HPCA: variants seen among roughly 807,000 people sequenced by gnomAD.
HPCA encodes the protein hippocalcin, also known as neuron-specific calcium-binding protein hippocalcin.
A neutral mutation model predicts 18.2 loss-of-function variants in HPCA; 4 were observed. The ratio of observed to expected loss-of-function variants is 0.22; its 90% CI spans 0.11 to 0.50. The LOEUF is 0.50. Among genes scored for constraint, HPCA ranks in the 20% least tolerant of loss-of-function variants. The pLI is 0.97. For missense variants in HPCA, 161 were observed against 265.8 expected, an observed-to-expected ratio of 0.61 and a Z score of 2.74; for synonymous variants, 93 against 103.5, an observed-to-expected ratio of 0.90 and a Z score of 0.61.
At position 32,889,243 on chromosome 1, in the gene HPCA, C is replaced by T. The variant is rs1311783198; in HGVS notation, c.345C>T (p.Tyr115=). Residue 115 remains tyrosine (Y), a synonymous_variant, in exon 2 of 4, where the codon TAC becomes TAT. Coordinates refer to ENST00000373467, the MANE Select transcript of HPCA (RefSeq NM_002143.3). This position sits in a 1 kb window ranked among gnomAD's most constrained non-coding sequence, Gnocchi z 4.6. ...FSMYDLDGNG[Y]ISREEMLEIV... ...TGTATGACCTGGACGGCAACGGCTACATCAGCCGGGAGGAGATGCTGGAGA... is the reference window on the plus strand; with the variant it reads ...TGTATGACCTGGACGGCAACGGCTATATCAGCCGGGAGGAGATGCTGGAGA... The T allele has an allele frequency of 1.2e-6, 2 of 1,613,964 alleles. No individual in the cohort carries two copies. The highest frequency in any genetic ancestry group is 3.3e-5 in the Admixed American group (2 of 60,028).
Position 32,892,089 on chromosome 1 carries a change from A to T in HPCA, c.379-1435A>T, listed in dbSNP as rs144508868. 4.9e-3 allele frequency among the ~76,000 whole-genome samples: 740 copies of T among 152,284 alleles called. 8 individuals are homozygous for T. The highest frequency in any genetic ancestry group is 0.017 in the African/African-American group (696 of 41,554). On this transcript the variant is annotated intron_variant, in intron 2 of 3. Coordinates refer to ENST00000373467, the MANE Select transcript of HPCA (RefSeq NM_002143.3). ...AAGTGGTACTTAGTATCGTTATTCC[A>T]GGCAAAGACTGTAAATGCTGGAGAA...
In HPCA at chr1:32,889,330, C is replaced by T; in HGVS notation, c.378+54C>T. On this transcript the variant is annotated intron_variant, in intron 2 of 3. Transcript: ENST00000373467. This position sits in a 1 kb window ranked among gnomAD's most constrained non-coding sequence, Gnocchi z 4.6. ...GGCACAGGGCCCGGCAGCTTGCACC[C>T]ACCACCCCTTTTGATCCTCTCAGCA... 1 of 1,548,326 alleles carries T rather than the reference C, an allele frequency of 6.5e-7. No homozygotes were observed. Among genetic ancestry groups the T allele is most frequent in the Non-Finnish European group, 8.7e-7 (1 of 1,145,578 alleles).
Position 32,893,687 on chromosome 1 carries a change from C to A in HPCA, c.484+58C>A. On this transcript the variant is annotated intron_variant, in intron 3 of 3. Transcript: ENST00000373467. The surrounding 1 kb of genome is among the most constrained non-coding windows in gnomAD (Gnocchi z 7.5). ...GCGGGCGCCTTTCCCTCCCTCCCTC[C>A]CTGCCTCCCTTTCCCGCTCCGCCTC... The A allele has an allele frequency of 6.8e-7, 1 of 1,475,224 alleles. No homozygotes were observed. Among genetic ancestry groups the A allele is most frequent in the South Asian group, 1.2e-5 (1 of 86,200 alleles). 91.4% of individuals were successfully genotyped at this position (1,475,224 alleles called of 1,614,324 possible).
rs1165311105 is a variant in HPCA at position 32,889,938 on chromosome 1, G to A, written c.378+662G>A. Among the ~76,000 whole-genome samples, 2 of 152,186 alleles carry A rather than the reference G, an allele frequency of 1.3e-5. No individual in the cohort carries two copies. Among genetic ancestry groups the A allele is most frequent in the Non-Finnish European group, 2.9e-5 (2 of 68,030 alleles). On this transcript the variant is annotated intron_variant, in intron 2 of 3. Coordinates refer to ENST00000373467, the MANE Select transcript of HPCA (RefSeq NM_002143.3). This position sits in a 1 kb window ranked among gnomAD's most constrained non-coding sequence, Gnocchi z 4.6. ...GAAACGGATGCTCAGAGAGATAAAG[G>A]CACTTGCTTGAGGCCACACAGCCTG...
rs943983617 is a variant in HPCA, at chr1:32,889,842, A to G, written c.378+566A>G. On this transcript the variant is annotated intron_variant, in intron 2 of 3. Coordinates refer to ENST00000373467, the MANE Select transcript of HPCA (RefSeq NM_002143.3). The surrounding 1 kb of genome is among the most constrained non-coding windows in gnomAD (Gnocchi z 4.6). Reference sequence around the variant, plus strand: ...TGGAATAGCTCCTCATCCTTTCTTTATCTTTTATGAATTGACATTTCTGCA... The same window carrying G: ...TGGAATAGCTCCTCATCCTTTCTTTGTCTTTTATGAATTGACATTTCTGCA... Among the ~76,000 whole-genome samples the G allele has an allele frequency of 1.3e-5, 2 of 151,994 alleles. No individual in the cohort carries two copies. Among genetic ancestry groups the G allele is most frequent in the Non-Finnish European group, 2.9e-5 (2 of 68,018 alleles).
Position 32,889,338 on chromosome 1 carries a change from C to T in HPCA, c.378+62C>T, listed in dbSNP as rs1390951068. The T allele has an allele frequency of 1.7e-5, 26 of 1,526,838 alleles. 1 individual carries two copies. In the Admixed American group the frequency reaches 5.3e-4, roughly 31 times the overall value. 94.6% of individuals were successfully genotyped at this position (1,526,838 alleles called of 1,614,324 possible). On this transcript the variant is annotated intron_variant, in intron 2 of 3. Transcript: ENST00000373467. The surrounding 1 kb of genome is among the most constrained non-coding windows in gnomAD (Gnocchi z 4.6). The stretch of plus-strand genomic sequence containing the variant: ...GCCCGGCAGCTTGCACCCACCACCC[C>T]TTTTGATCCTCTCAGCAGACCTCGT...
chr1:32,892,125 CA>C (rs1239448217), intron 2 of HPCA, among the ~76,000 whole-genome samples: 4 of 152,108 alleles, frequency 2.6e-5, no homozygotes, highest in African/African-American at 9.7e-5. Flanking sequence ...TCTGAAGGGC[CA>C]GGGGTGTTTG....
chr1:32,894,135 C>T lies in HPCA; in HGVS notation c.*273C>T, dbSNP rs1641525291. On this transcript the variant is annotated 3_prime_UTR_variant, in exon 4 of 4. Coordinates refer to ENST00000373467, the MANE Select transcript of HPCA (RefSeq NM_002143.3). ...AGGCCCCCTTACCCACCCACCAGCC[C>T]CAAGGCCCGACCCCTCCCCCAAAGG... is the stretch of plus-strand genomic sequence containing the variant. 3 of 458,030 alleles carry T rather than the reference C, an allele frequency of 6.5e-6. No individual in the cohort carries two copies. The highest frequency in any genetic ancestry group is 2.0e-5 in the African/African-American group (1 of 50,940). The allele number at this position is 458,030 out of a possible 1,614,324, so 28.4% of individuals were successfully genotyped here. A position where few individuals can be genotyped will look rare whatever the true frequency, so the allele number is the denominator to read the frequency against.
chr1:32,889,171 G>A lies in HPCA; in HGVS notation c.273G>A (p.Val91=). Residue 91 remains valine (V), a synonymous_variant, in exon 2 of 4, where the codon GTG becomes GTA. Transcript: ENST00000373467. This position sits in a 1 kb window ranked among gnomAD's most constrained non-coding sequence, Gnocchi z 4.6. ...GGGAGTTCATCATTGCGCTGAGCGT[G>A]ACCTCGCGCGGCCGCCTGGAGCAGA... is the stretch of plus-strand genomic sequence containing the variant. The part of the protein sequence containing the change: ...DFREFIIALS[V]TSRGRLEQKL... 1 of 1,614,262 alleles carries A rather than the reference G, an allele frequency of 6.2e-7. No individual in the cohort carries two copies. Among genetic ancestry groups the A allele is most frequent in the South Asian group, 1.1e-5 (1 of 91,086 alleles).
intron 1 of HPCA, among the ~76,000 whole-genome samples, chr1:32,887,440 G>A (rs775547328): frequency 2.0e-5 from 3 of 152,116 alleles, no homozygotes; most frequent in Non-Finnish European, 4.4e-5. Context: ...AAGTGGGTGG[G>A]GGTCACCTGC....
intron 2 of HPCA, among the ~76,000 whole-genome samples, chr1:32,891,100 C>T (rs1356728081): frequency 2.0e-5 from 3 of 152,244 alleles, no homozygotes; most frequent in Admixed American, 2.0e-4. Flanking sequence ...GGAGCCACCA[C>T]GCCCGGGTGT....
At chr1:32,891,918 G>A (rs918380165) in intron 2 of HPCA, among the ~76,000 whole-genome samples, 10 of 152,174 alleles carry the variant, frequency 6.6e-5, no homozygotes, top group Non-Finnish European at 1.5e-4. Context: ...GAGGGAACAG[G>A]TACAAATCGA....
intron 2 of HPCA, among the ~76,000 whole-genome samples, chr1:32,891,003 A>G (rs927457187): frequency 6.6e-6 from 1 of 152,262 alleles, no homozygotes; most frequent in Non-Finnish European, 1.5e-5. Flanking sequence ...CATGGACAGC[A>G]GCTGGGTACT....
Position 32,893,856 on chromosome 1 carries a change from G to C in HPCA, c.576G>C (p.Gln192His). ...LLQCDPSSAS[Q>H]F ...AGTGCGACCCCAGCAGCGCCTCCCA[G>C]TTCTGAGAGGAGCCAGGTTCCCCTT... is the stretch of plus-strand genomic sequence containing the variant. Residue 192 changes from glutamine (Q) to histidine (H), a missense_variant, in exon 4 of 4, where the codon CAG (glutamine) becomes CAC (histidine). By Grantham distance (24) the Gln-to-His change is conservative. Coordinates refer to ENST00000373467, the MANE Select transcript of HPCA (RefSeq NM_002143.3). The surrounding 1 kb of genome is among the most constrained non-coding windows in gnomAD (Gnocchi z 7.5). 6.4e-7 allele frequency: 1 copy of C among 1,565,690 alleles called. No individual in the cohort carries two copies. The highest frequency in any genetic ancestry group is 8.7e-7 in the Non-Finnish European group (1 of 1,155,454).
rs1411190709 is a variant in HPCA, at chr1:32,893,118, C to T, written c.379-406C>T. Among the ~76,000 whole-genome samples, 3 of 151,688 alleles carry T rather than the reference C, an allele frequency of 2.0e-5. No individual in the cohort carries two copies. Among genetic ancestry groups the T allele is most frequent in the Admixed American group, 6.6e-5 (1 of 15,248 alleles). ...CCTTTCGACCACCGAGCGCGGGCCG[C>T]CCTGGGCCCGGGTGCCAGCCCGGTA... On this transcript the variant is annotated intron_variant, in intron 2 of 3. Transcript: ENST00000373467. The surrounding 1 kb of genome is among the most constrained non-coding windows in gnomAD (Gnocchi z 7.5).
Position 32,893,888 on chromosome 1 carries a change from T to G in HPCA, c.*26T>G. ...GAGGAGCCAGGTTCCCCTTCCTCCC[T>G]CCCTTCACCGGCCCCCTCCCGGCTC... On this transcript the variant is annotated 3_prime_UTR_variant, in exon 4 of 4. Transcript: ENST00000373467. This position sits in a 1 kb window ranked among gnomAD's most constrained non-coding sequence, Gnocchi z 7.5. The G allele has an allele frequency of 6.8e-7, 1 of 1,460,294 alleles. No individual in the cohort carries two copies. 90.5% of individuals were successfully genotyped at this position (1,460,294 alleles called of 1,614,324 possible). A position where few individuals can be genotyped will look rare whatever the true frequency, so the allele number is the denominator to read the frequency against.
chr1:32,892,704 A>C (rs1481321144), intron 2 of HPCA, among the ~76,000 whole-genome samples: 1 of 152,092 alleles, frequency 6.6e-6, no homozygotes, highest in Non-Finnish European at 1.5e-5. Context: ...GAGGCAGCAG[A>C]AGTTTATGGG....
At position 32,893,707 on chromosome 1, in the gene HPCA, C is replaced by T; in HGVS notation, c.485-58C>T. 4.7e-6 allele frequency: 7 copies of T among 1,493,370 alleles called. No individual in the cohort carries two copies. Among genetic ancestry groups the T allele is most frequent in the Non-Finnish European group, 6.5e-6 (7 of 1,085,260 alleles). 92.5% of individuals were successfully genotyped at this position (1,493,370 alleles called of 1,614,324 possible). A position where few individuals can be genotyped will look rare whatever the true frequency, so the allele number is the denominator to read the frequency against. On this transcript the variant is annotated intron_variant, in intron 3 of 3. Transcript: ENST00000373467. The surrounding 1 kb of genome is among the most constrained non-coding windows in gnomAD (Gnocchi z 7.5). The stretch of plus-strand genomic sequence containing the variant: ...CCCTCCCTGCCTCCCTTTCCCGCTC[C>T]GCCTCCCCTCGCTAGGCTGCCGCCT...
rs201671943 is a variant in HPCA, at chr1:32,894,445, TCA to T, written c.*594_*595del. 68 of 228,596 alleles carry T rather than the reference TCA, an allele frequency of 3.0e-4. No homozygotes were observed. Among genetic ancestry groups the T allele is most frequent in the Middle Eastern group, 1.5e-3 (1 of 646 alleles). 14.2% of individuals were successfully genotyped at this position (228,596 alleles called of 1,614,324 possible). On this transcript the variant is annotated 3_prime_UTR_variant, in exon 4 of 4. Transcript: ENST00000373467. ...CACGGAGCTCTCTGTGTTTGGCCTC[TCA>T]CACACACACAGGCCCATAGACAGAT...
Sources: gnomAD v4.1 joint callset for allele counts (sites outside exome capture counted in the v4.1 genomes callset) on GRCh38, gnomAD v4.1.1 for gene constraint, Gnocchi (gnomAD v3.1) non-coding constraint, MANE v1.5 for transcripts, NCBI Gene and HGNC (gene_info 2026-07-23, HGNC 2026-07-21) for gene names.